The following NAA35 variants were observed in gnomAD, a reference collection of about 807,000 sequenced individuals.
The protein encoded by NAA35 is MAK10 homolog, amino-acid N-acetyltransferase subunit.
NAA35 carries 18 observed loss-of-function variants against 101.7 expected under a neutral mutation model. The ratio of observed to expected loss-of-function variants is 0.18; its 90% confidence interval spans 0.12 to 0.26. The LOEUF (loss-of-function observed/expected upper bound fraction) is 0.26. NAA35 is among the 10% of genes least tolerant of loss of function. The probability of loss-of-function intolerance (pLI) is 1.00; values close to 1 mark genes in which losing one functional copy is unlikely to be tolerated. For missense variants in NAA35, 601 were observed against 886.8 expected, an observed-to-expected ratio of 0.68 and a Z score of 4.09; for synonymous variants, 267 against 273.1, an observed-to-expected ratio of 0.98 and a Z score of 0.22.
chr9:85,949,432 C>A (rs144887624), intron 2 of NAA35, among the ~76,000 whole-genome samples: 7 of 151,726 alleles, frequency 4.6e-5, no homozygotes, highest in African/African-American at 1.7e-4. Flanking sequence ...GTAGCTGGGA[C>A]TACAGGTGCC....
At chr9:86,014,819 A>G (rs1009197350) in intron 17 of NAA35, among the ~76,000 whole-genome samples, 5 of 152,216 alleles carry the variant, frequency 3.3e-5, no homozygotes, top group Non-Finnish European at 7.3e-5. Context: ...TTTCCTTGCT[A>G]TATATTCTTC....
intron 5 of NAA35, 101 bp from the exon 6 acceptor site, chr9:85,961,912 T>C: frequency 1.3e-6 from 1 of 774,488 alleles, no homozygotes; most frequent in South Asian, 2.8e-5. Flanking sequence ...TGATTAATCT[T>C]ATTTGGGTCT....
At position 86,007,674 on chromosome 9, in the gene NAA35, C is replaced by CTCT. The variant is rs367642314; in HGVS notation, c.1223+210_1223+211insTCT. Among the ~76,000 whole-genome samples, 436 of 152,238 alleles carry CTCT rather than the reference C, an allele frequency of 2.9e-3. 5 individuals are homozygous for CTCT. The South Asian group carries it at 0.033, about 12-fold the overall frequency. ...AGGTTGACAAAATTTCTGATAACTC[C>CTCT]AAGTTTTTTGTCTCCAGCGTAAGTC... On this transcript the variant is annotated intron_variant, in intron 14 of 22. Transcript: ENST00000361671.
Position 86,013,772 on chromosome 9 carries a change from A to G in NAA35, c.1443A>G (p.Gln481=), listed in dbSNP as rs1832069453. Residue 481 remains glutamine, a synonymous_variant, in exon 17 of 23, where the codon CAA becomes CAG. Transcript: ENST00000361671. ...LHTMLLKQEP[Q]RQHLACLGTW... ...CCATGCTGTTGAAACAGGAACCCCA[A>G]AGGCAACATTTGGCCTGTTTAGGTA... 6.2e-7 allele frequency: 1 copy of G among 1,614,034 alleles called. No individual in the cohort carries two copies. The highest frequency in any genetic ancestry group is 1.3e-5 in the African/African-American group (1 of 74,932).
Position 85,959,877 on chromosome 9 carries a change from G to C in NAA35, c.348+10G>C. 1 of 1,590,472 alleles carries C rather than the reference G, an allele frequency of 6.3e-7. No individual in the cohort carries two copies. Among genetic ancestry groups the C allele is most frequent in the Non-Finnish European group, 8.6e-7 (1 of 1,162,822 alleles). On this transcript the variant is annotated intron_variant, in intron 5 of 22. Coordinates refer to ENST00000361671, the MANE Select transcript of NAA35 (RefSeq NM_024635.4). ...ATGTTTTTGCTGTTTGGTAAGAATG[G>C]AAATAAGACTATTGGTTAATTTTAA... is the stretch of plus-strand genomic sequence containing the variant.
chr9:85,950,609 C>G (rs1054902828), intron 2 of NAA35, among the ~76,000 whole-genome samples: 1 of 152,090 alleles, frequency 6.6e-6, no homozygotes, highest in Non-Finnish European at 1.5e-5. Flanking sequence ...GATGAGGAAA[C>G]CAAGGCCGAG....
rs1831317714 is a variant in NAA35 at position 85,999,340 on chromosome 9, T to G, written c.1056+2763T>G. Among the ~76,000 whole-genome samples the G allele has an allele frequency of 2.0e-5, 3 of 152,224 alleles. No individual in the cohort carries two copies. The South Asian group carries it at 6.2e-4, about 31-fold the overall frequency. On this transcript the variant is annotated intron_variant, in intron 12 of 22. Transcript: ENST00000361671. ...TTGTTACATGAATATACATTTGTGT[T>G]CACTAGATTAATTGCAAGGTCTTTA...
intron 11 of NAA35, among the ~76,000 whole-genome samples, chr9:85,985,752 A>C (rs1023427293): frequency 1.3e-5 from 2 of 152,362 alleles, no homozygotes; most frequent in East Asian, 3.9e-4. Context: ...TGTTAATTAT[A>C]TCTCATTAGA....
At chr9:86,014,357 A>T in intron 17 of NAA35, 3 of 982,218 alleles carry the variant, frequency 3.1e-6, no homozygotes, top group Non-Finnish European at 3.6e-6. Flanking sequence ...GAGTTGATAA[A>T]AGATGATCTT....
In NAA35 at chr9:85,966,500, T is replaced by G. The variant is rs897128187; in HGVS notation, c.516+4320T>G. On this transcript the variant is annotated intron_variant, in intron 6 of 22. Transcript: ENST00000361671. ...CGAATGTTTATAACACCTTTAAAAT[T>G]TAGCTTCACTATAATCCAGGAAATA... 54 of 513,368 alleles carry G rather than the reference T, an allele frequency of 1.1e-4. No homozygotes were observed. In the East Asian group the frequency reaches 3.9e-3, roughly 37 times the overall value. 31.8% of individuals were successfully genotyped at this position (513,368 alleles called of 1,614,324 possible).
chr9:85,992,113 G>T (rs987101760), intron 11 of NAA35, among the ~76,000 whole-genome samples: 6 of 151,272 alleles, frequency 4.0e-5, no homozygotes, highest in Non-Finnish European at 7.4e-5. Flanking sequence ...CGCAGAGCTT[G>T]CAGTGAGCCA....
intron 8 of NAA35, among the ~76,000 whole-genome samples, chr9:85,976,107 A>G (rs1392369812): frequency 6.6e-6 from 1 of 152,202 alleles, no homozygotes; most frequent in Non-Finnish European, 1.5e-5. Context: ...AAAGGAGTTA[A>G]ATAACCTGTG....
rs1024257875 is a variant in NAA35 at position 85,982,166 on chromosome 9, C to T, written c.877+3785C>T. Among the ~76,000 whole-genome samples the T allele has an allele frequency of 3.9e-5, 6 of 152,126 alleles. No homozygotes were observed. In the East Asian group the frequency reaches 7.7e-4, roughly 20 times the overall value. On this transcript the variant is annotated intron_variant, in intron 11 of 22. Transcript: ENST00000361671. ...CTTACTGATAATGGGATTTTTTTGACGTGGTTACATGGAGCACTGTACTAG... is the reference window on the plus strand; with the variant it reads ...CTTACTGATAATGGGATTTTTTTGATGTGGTTACATGGAGCACTGTACTAG...
chr9:86,000,257 C>T (rs1323577176), intron 12 of NAA35, among the ~76,000 whole-genome samples: 1 of 152,128 alleles, frequency 6.6e-6, no homozygotes, highest in East Asian at 1.9e-4. Context: ...CCTACTTGAT[C>T]ATGGTGAATT....
At chr9:85,999,782 A>G (rs2118295811) in intron 12 of NAA35, among the ~76,000 whole-genome samples, 2 of 152,344 alleles carry the variant, frequency 1.3e-5, no homozygotes, top group South Asian at 2.1e-4. Flanking sequence ...AGTTCTCCTT[A>G]ACAAATCCAA....
At chr9:86,018,650 AGTT>A in intron 20 of NAA35, 46 bp from the exon 21 acceptor site, 7 of 1,581,436 alleles carry the variant, frequency 4.4e-6, no homozygotes, top group Non-Finnish European at 5.1e-6. Context: ...GGGATTTTAG[AGTT>A]GTTCATATTA....
intron 11 of NAA35, chr9:85,986,356 G>T: frequency 2.1e-6 from 1 of 465,584 alleles, no homozygotes. Context: ...CCAAAATTAT[G>T]ATCTAACAGT....
chr9:85,972,148 A>T (rs1438382426), intron 6 of NAA35, among the ~76,000 whole-genome samples: 3 of 152,144 alleles, frequency 2.0e-5, no homozygotes, highest in Non-Finnish European at 2.9e-5. Context: ...AAACTTACAG[A>T]TAAGTTTTAT....
intron 6 of NAA35, among the ~76,000 whole-genome samples, chr9:85,964,159 T>G (rs571779236): frequency 6.6e-5 from 10 of 151,542 alleles, no homozygotes; most frequent in Admixed American, 2.6e-4. Flanking sequence ...AACTTCTTAT[T>G]GGGGAATAAT....
Sources: gnomAD v4.1 joint callset for allele counts (sites outside exome capture counted in the v4.1 genomes callset) on GRCh38, gnomAD v4.1.1 for gene constraint, MANE v1.5 for transcripts, NCBI Gene and HGNC (gene_info 2026-07-23, HGNC 2026-07-21) for gene names.